The following MYPN variants were observed in gnomAD, a reference collection of about 807,000 sequenced individuals.
The protein encoded by MYPN is sarcomeric protein myopalladin, 145 kDa (MYOP).
MYPN carries 63 observed loss-of-function variants against 129.4 expected under a neutral mutation model. The ratio of observed to expected loss-of-function variants is 0.49; its 90% confidence interval spans 0.40 to 0.60. The LOEUF (loss-of-function observed/expected upper bound fraction) is 0.60. Ranked by LOEUF, MYPN falls within the 20% of genes least tolerant of loss-of-function variation. MYPN has a pLI of 0.00. For missense variants in MYPN, 1,596 were observed against 1,635.4 expected (o/e 0.98, Z 0.42); for synonymous variants, 629 against 600.9 (o/e 1.05, Z -0.68).
At chr10:68,148,522 T>TGACCATGACCATCTTGCATGGC in intron 5 of MYPN, 55 bp downstream of exon 5, 1 of 1,371,122 alleles carries the variant, frequency 7.3e-7, no homozygotes, top group South Asian at 1.2e-5. Context: ...ACAGTCATGG[T>TGACCATGACCATCTTGCATGGC]GACCATGACC....
chr10:68,096,713 T>C (rs2041958203), intron 1 of MYPN, among the ~76,000 whole-genome samples: 1 of 152,226 alleles, frequency 6.6e-6, no homozygotes, highest in Admixed American at 6.5e-5. Flanking sequence ...CTTTGTCTTA[T>C]TCTACATAAG....
chr10:68,107,897 T>C (rs1195937165), upstream of MYPN, among the ~76,000 whole-genome samples: 1 of 152,124 alleles, frequency 6.6e-6, no homozygotes, highest in African/African-American at 2.4e-5. Flanking sequence ...GAAATAGAGG[T>C]TCTATTCTCC....
At chr10:68,136,869 T>C in intron 2 of MYPN, 1 of 952,438 alleles carries the variant, frequency 1.0e-6, no homozygotes, top group Non-Finnish European at 1.5e-6. Context: ...AGCCAAATGT[T>C]ATTAAAGAAC....
rs987792015 is a variant in MYPN at position 68,153,773 on chromosome 10, G to A, written c.1317+3662G>A. ...GTGATGGATGGTATCATGTGGCTAT[G>A]AGCCATGATAACAGATTATTTGCAT... On this transcript the variant is annotated intron_variant, in intron 6 of 19. Transcript: ENST00000358913. 8.5e-5 allele frequency among the ~76,000 whole-genome samples: 13 copies of A among 152,206 alleles called. No homozygotes were observed. The East Asian group carries it at 1.7e-3, about 20-fold the overall frequency.
intron 6 of MYPN, chr10:68,158,152 G>T: frequency 3.9e-6 from 1 of 258,784 alleles, no homozygotes; most frequent in Non-Finnish European, 7.5e-6. Context: ...GATCAGGCTG[G>T]CTATGCGGGT....
intron 4 of MYPN, among the ~76,000 whole-genome samples, chr10:68,146,817 CA>C (rs1372258040): frequency 7.9e-5 from 12 of 152,184 alleles, no homozygotes; most frequent in Non-Finnish European, 1.6e-4. Flanking sequence ...AGAAAGTACC[CA>C]TGTGGCCACA....
At chr10:68,177,064 A>G (rs962950175) in intron 12 of MYPN, among the ~76,000 whole-genome samples, 1 of 152,238 alleles carries the variant, frequency 6.6e-6, no homozygotes, top group African/African-American at 2.4e-5. Flanking sequence ...GCTAGCTTGC[A>G]CATACGCTGT....
chr10:68,142,838 T>C lies in MYPN; in HGVS notation c.903-102T>C, dbSNP rs116204043. 3.9e-3 allele frequency: 4,405 copies of C among 1,131,896 alleles called. 136 individuals carry two copies. In the African/African-American group the frequency reaches 0.06, roughly 15 times the overall value. 70.1% of individuals were successfully genotyped at this position (1,131,896 alleles called of 1,614,324 possible). ...ATGATGGAGTTTTTTGTTGTTGTTGTTCTGACTTCAAATGAAGCTCATTTA... is the reference window on the plus strand; with the variant it reads ...ATGATGGAGTTTTTTGTTGTTGTTGCTCTGACTTCAAATGAAGCTCATTTA... On this transcript the variant is annotated intron_variant, in intron 2 of 19. Coordinates refer to ENST00000358913, the MANE Select transcript of MYPN (RefSeq NM_032578.4).
intron 10 of MYPN, among the ~76,000 whole-genome samples, chr10:68,173,507 C>G (rs2043173391): frequency 2.0e-5 from 3 of 152,186 alleles, no homozygotes. Flanking sequence ...GAAAGACAAA[C>G]TCACCAATTA....
intron 9 of MYPN, 149 bp downstream of exon 9, chr10:68,165,967 C>A: frequency 1.2e-6 from 1 of 825,464 alleles, no homozygotes. Context: ...TGTTCTTGAA[C>A]AGTGTCCAAT....
intron 1 of MYPN, among the ~76,000 whole-genome samples, chr10:68,092,491 G>A (rs1234699903): frequency 6.8e-5 from 10 of 146,828 alleles, no homozygotes; most frequent in Admixed American, 2.0e-4. Flanking sequence ...GTGAGACTTC[G>A]TCTCAAAAAA....
chr10:68,127,936 G>A (rs540412413), intron 2 of MYPN, among the ~76,000 whole-genome samples: 2 of 152,266 alleles, frequency 1.3e-5, no homozygotes, highest in East Asian at 3.9e-4. Context: ...TAACCTATGT[G>A]CTCCTGTGTA....
At chr10:68,155,717 C>T (rs2634705) in intron 6 of MYPN, among the ~76,000 whole-genome samples, 116,846 of 152,194 alleles carry the variant, frequency 0.77, 45,692 homozygotes, top group African/African-American at 0.86. Flanking sequence ...CTCTTTCTCA[C>T]GAAACTTTGT....
At position 68,144,932 on chromosome 10, in the gene MYPN, A is replaced by G. The variant is rs75649836; in HGVS notation, c.1079-543A>G. Among the ~76,000 whole-genome samples, 699 of 152,300 alleles carry G rather than the reference A, an allele frequency of 4.6e-3. 5 individuals are homozygous for G. Among genetic ancestry groups the G allele is most frequent in the African/African-American group, 0.016 (674 of 41,570 alleles). On this transcript the variant is annotated intron_variant, in intron 3 of 19. Coordinates refer to ENST00000358913, the MANE Select transcript of MYPN (RefSeq NM_032578.4). ...GTTAATTTGAACAGTGCCACTAACTAGACATGTGACCTTGAGCAATTCCTT... is the reference window on the plus strand; with the variant it reads ...GTTAATTTGAACAGTGCCACTAACTGGACATGTGACCTTGAGCAATTCCTT...
Position 68,189,084 on chromosome 10 carries a change from A to G in MYPN, c.2883A>G (p.Pro961=), listed in dbSNP as rs753657470. ...ACTTCCGGGTCACAGAAGGCTCTCCAGTTACATTCACCTGCAAAATTGTTG... is the reference window on the plus strand; with the variant it reads ...ACTTCCGGGTCACAGAAGGCTCTCCGGTTACATTCACCTGCAAAATTGTTG... ...LKHFRVTEGS[P]VTFTCKIVGI... The change falls in exon 13 of 20, where the codon CCA becomes CCG. Residue 961 remains proline (P), a synonymous_variant. Coordinates refer to ENST00000358913, the MANE Select transcript of MYPN (RefSeq NM_032578.4). The G allele has an allele frequency of 6.8e-6, 11 of 1,614,188 alleles. No homozygotes were observed. Among genetic ancestry groups the G allele is most frequent in the Non-Finnish European group, 8.5e-6 (10 of 1,180,020 alleles).
intron 1 of MYPN, among the ~76,000 whole-genome samples, chr10:68,117,561 G>A (rs2042176155): frequency 1.3e-5 from 2 of 152,002 alleles, no homozygotes; most frequent in Admixed American, 1.3e-4. Context: ...GAAAAGAGGT[G>A]GGCACAGGAA....
At chr10:68,196,279 G>A (rs1461344250) in intron 15 of MYPN, among the ~76,000 whole-genome samples, 2 of 152,068 alleles carry the variant, frequency 1.3e-5, no homozygotes, top group Non-Finnish European at 2.9e-5. Flanking sequence ...ACAACAACTG[G>A]TTTTCTTCCT....
chr10:68,165,469 C>G, intron 8 of MYPN: 2 of 598,884 alleles, frequency 3.3e-6, no homozygotes, highest in Non-Finnish European at 6.3e-6. Flanking sequence ...AAAAAAATCC[C>G]CTTGTCAGTA....
intron 19 of MYPN, 72 bp from the exon 20 acceptor site, chr10:68,210,214 A>G: frequency 1.9e-6 from 3 of 1,556,538 alleles, no homozygotes; most frequent in Admixed American, 1.7e-5. Flanking sequence ...GTGAGGACAG[A>G]ATGCACCTCT....
Sources: allele counts gnomAD v4.1 joint callset (sites outside exome capture counted in the v4.1 genomes callset), GRCh38; gene constraint gnomAD v4.1.1; transcripts MANE v1.5; gene names NCBI Gene and HGNC (gene_info 2026-07-23, HGNC 2026-07-21).